The following NUBPL variants were observed in gnomAD, a reference collection of about 807,000 sequenced individuals.
The protein encoded by NUBPL is NUBP iron-sulfur cluster assembly factor, mitochondrial, also known as iron-sulfur cluster transfer protein NUBPL.
A neutral mutation model predicts 45.7 loss-of-function variants in NUBPL; 31 were observed. The ratio of observed to expected loss-of-function variants is 0.68; its 90% CI spans 0.51 to 0.92. The LOEUF (loss-of-function observed/expected upper bound fraction) is 0.92. NUBPL is among the 40% of genes least tolerant of loss of function. The pLI, the probability that NUBPL is intolerant of heterozygous loss-of-function variation, is 0.00. For missense variants in NUBPL, 401 were observed against 398.7 expected (o/e 1.01, Z -0.05); for synonymous variants, 144 against 140.9 (o/e 1.02, Z -0.15).
At chr14:31,725,310 C>T (rs1490818621) in intron 6 of NUBPL, among the ~76,000 whole-genome samples, 3 of 152,136 alleles carry the variant, frequency 2.0e-5, no homozygotes, top group Admixed American at 2.0e-4. Context: ...TTCAGTGCTA[C>T]AAATCCAGTT....
rs565091720 is a variant in NUBPL, at chr14:31,826,756, C to A, written c.693+42C>A. The A allele has an allele frequency of 1.7e-5, 26 of 1,537,752 alleles. No individual in the cohort carries two copies. The Middle Eastern group carries it at 5.1e-4, about 30-fold the overall frequency. On this transcript the variant is annotated intron_variant, in intron 8 of 10. Coordinates refer to ENST00000281081, the MANE Select transcript of NUBPL (RefSeq NM_025152.3). The stretch of plus-strand genomic sequence containing the variant: ...TCACTGTGAAAAATATAAAACTCTT[C>A]TAACTGAAGAAGCAAGTCATTGAAA...
chr14:31,694,759 C>T (rs2037176296), intron 6 of NUBPL, among the ~76,000 whole-genome samples: 2 of 152,176 alleles, frequency 1.3e-5, no homozygotes, highest in Non-Finnish European at 2.9e-5. Context: ...CATGATCTGC[C>T]CGCCTCGGCC....
intron 3 of NUBPL, among the ~76,000 whole-genome samples, chr14:31,575,014 GTTTCTTCTGTTATTTCTTT>G (rs141570417): frequency 0.048 from 7,355 of 152,204 alleles, 219 homozygotes; most frequent in Admixed American, 0.066. Flanking sequence ...AAGAGTTTAT[GTTTCTTCTGTTATTTCTTT>G]TTTATTGATG....
At chr14:31,818,696 C>T (rs773621678) in intron 7 of NUBPL, among the ~76,000 whole-genome samples, 3 of 152,086 alleles carry the variant, frequency 2.0e-5, no homozygotes, top group East Asian at 1.9e-4. Flanking sequence ...CTACAGGCGC[C>T]GGCCACCACG....
At chr14:31,765,178 A>G (rs144776864) in intron 6 of NUBPL, among the ~76,000 whole-genome samples, 43 of 152,288 alleles carry the variant, frequency 2.8e-4, no homozygotes, top group African/African-American at 9.6e-4. Context: ...CTTAGCTTCC[A>G]TTTTTAGTCC....
intron 4 of NUBPL, among the ~76,000 whole-genome samples, chr14:31,653,043 G>A (rs2036050413): frequency 6.6e-6 from 1 of 152,142 alleles, no homozygotes. Flanking sequence ...GGAAGGGGGT[G>A]TACGAACGGG....
At chr14:31,837,786 T>C (rs2040305518) in intron 8 of NUBPL, among the ~76,000 whole-genome samples, 1 of 152,074 alleles carries the variant, frequency 6.6e-6, no homozygotes, top group Non-Finnish European at 1.5e-5. Context: ...CAAAAAAATG[T>C]AAAACATATA....
intron 6 of NUBPL, among the ~76,000 whole-genome samples, chr14:31,764,781 T>C (rs903420766): frequency 5.3e-5 from 8 of 149,862 alleles, no homozygotes; most frequent in Non-Finnish European, 1.2e-4. Context: ...GATCTTAAGT[T>C]TCTTAGATGT....
intron 4 of NUBPL, among the ~76,000 whole-genome samples, chr14:31,602,405 G>GC (rs752787767): frequency 2.8e-5 from 4 of 145,176 alleles, no homozygotes; most frequent in Admixed American, 6.8e-5. Flanking sequence ...AAAAAAAAAA[G>GC]AAAAAAAAAG....
intron 3 of NUBPL, among the ~76,000 whole-genome samples, chr14:31,572,399 A>G (rs972712158): frequency 6.6e-6 from 1 of 152,086 alleles, no homozygotes; most frequent in Admixed American, 6.5e-5. Flanking sequence ...TCGGCCTCCC[A>G]AAGTTCTGGG....
chr14:31,599,488 G>GT (rs2034369595), intron 4 of NUBPL, 109 bp downstream of exon 4: 5 of 751,888 alleles, frequency 6.6e-6, no homozygotes, highest in Non-Finnish European at 1.1e-5. Flanking sequence ...ACAATGTAGT[G>GT]TAAGTCCTCA....
intron 6 of NUBPL, among the ~76,000 whole-genome samples, chr14:31,755,682 T>C (rs2038644481): frequency 6.6e-6 from 1 of 152,204 alleles, no homozygotes; most frequent in Non-Finnish European, 1.5e-5. Flanking sequence ...TCCTTTGCTG[T>C]GCAGAAGCTC....
At chr14:31,631,663 TG>T (rs1212029801) in intron 4 of NUBPL, among the ~76,000 whole-genome samples, 2 of 152,060 alleles carry the variant, frequency 1.3e-5, no homozygotes, top group Non-Finnish European at 2.9e-5. Context: ...AAGTTTTAGG[TG>T]CTGTAAATTC....
chr14:31,633,896 C>T (rs2035412244), intron 4 of NUBPL, among the ~76,000 whole-genome samples: 1 of 151,992 alleles, frequency 6.6e-6, no homozygotes, highest in East Asian at 1.9e-4. Flanking sequence ...ATATAATTGC[C>T]GTTCTGGTTG....
chr14:31,801,032 A>T (rs2039578635), intron 7 of NUBPL: 1 of 152,192 alleles, frequency 6.6e-6, no homozygotes, highest in Non-Finnish European at 1.5e-5. Flanking sequence ...ACAAGTTGTT[A>T]TTGCCCTTCC....
intron 4 of NUBPL, among the ~76,000 whole-genome samples, chr14:31,636,260 G>A (rs1443884437): frequency 3.8e-4 from 57 of 151,818 alleles, no homozygotes; most frequent in African/African-American, 1.3e-3. Flanking sequence ...TTTGAGATAC[G>A]TCCCATCAAT....
At chr14:31,723,215 C>T (rs1193564355) in intron 6 of NUBPL, among the ~76,000 whole-genome samples, 1 of 152,112 alleles carries the variant, frequency 6.6e-6, no homozygotes, top group Admixed American at 6.5e-5. Context: ...TTCCTCATTG[C>T]TTGTTTTTGT....
chr14:31,756,882 C>T (rs953196198), intron 6 of NUBPL, among the ~76,000 whole-genome samples: 1 of 148,550 alleles, frequency 6.7e-6, no homozygotes, highest in Admixed American at 6.7e-5. Flanking sequence ...CCCATCAATA[C>T]CTAATTTATT....
At chr14:31,734,643 T>C (rs993903875) in intron 6 of NUBPL, among the ~76,000 whole-genome samples, 23 of 152,318 alleles carry the variant, frequency 1.5e-4, no homozygotes, top group African/African-American at 5.5e-4. Flanking sequence ...ATTATAATTA[T>C]TTTGTGCTTT....
Sources: allele counts gnomAD v4.1 joint callset (sites outside exome capture counted in the v4.1 genomes callset), GRCh38; gene constraint gnomAD v4.1.1; transcripts MANE v1.5; gene names NCBI Gene and HGNC (gene_info 2026-07-23, HGNC 2026-07-21).